The following CAPN5 variants were observed in gnomAD, a reference collection of about 807,000 sequenced individuals.
CAPN5 encodes the protein calpain-5.
CAPN5 carries 54 observed loss-of-function variants against 73.0 expected under a neutral mutation model. That is an observed-to-expected ratio of 0.74 (90% confidence interval 0.59 to 0.93). The LOEUF (loss-of-function observed/expected upper bound fraction) is 0.93. CAPN5 is among the 40% of genes least tolerant of loss of function. CAPN5 has a pLI of 0.00. For missense variants in CAPN5, 785 were observed against 882.9 expected, an observed-to-expected ratio of 0.89 and a Z score of 1.41; for synonymous variants, 335 against 356.9, an observed-to-expected ratio of 0.94 and a Z score of 0.69.
chr11:77,111,169 G>A (rs1950406764), intron 3 of CAPN5, among the ~76,000 whole-genome samples: 1 of 152,004 alleles, frequency 6.6e-6, no homozygotes, highest in African/African-American at 2.4e-5. Context: ...TGCACCCTGT[G>A]TAGCCTCAGC....
intron 1 of CAPN5, among the ~76,000 whole-genome samples, chr11:77,080,998 C>T (rs1555034525): frequency 6.6e-6 from 1 of 152,204 alleles, no homozygotes; most frequent in Admixed American, 6.5e-5. Flanking sequence ...AGAGGCCTCA[C>T]TGTGCAGGCT....
chr11:77,102,401 G>A (rs1555039018), intron 3 of CAPN5, among the ~76,000 whole-genome samples: 1 of 152,206 alleles, frequency 6.6e-6, no homozygotes, highest in African/African-American at 2.4e-5. Context: ...TTCTCCACCT[G>A]CTCCTGCGGG....
rs534880786 is a variant in CAPN5, at chr11:77,101,544, C to A, written c.297+7731C>A. Among the ~76,000 whole-genome samples, 28 of 152,302 alleles carry A rather than the reference C, an allele frequency of 1.8e-4. 1 individual carries two copies. Among genetic ancestry groups the A allele is most frequent in the Admixed American group, 1.1e-3 (17 of 15,308 alleles). ...CCCAGGGCTTGCAGTGTGGTTTTAACAGGACCGGGTATTCTGTCTCCCTTG... is the reference window on the plus strand; with the variant it reads ...CCCAGGGCTTGCAGTGTGGTTTTAAAAGGACCGGGTATTCTGTCTCCCTTG... On this transcript the variant is annotated intron_variant, in intron 3 of 12. Coordinates refer to ENST00000648180, the MANE Select transcript of CAPN5 (RefSeq NM_004055.5).
In CAPN5 at chr11:77,120,813, C is replaced by T. The variant is rs782339880; in HGVS notation, c.1391C>T (p.Pro464Leu). The T allele has an allele frequency of 8.7e-6, 14 of 1,614,086 alleles. No individual in the cohort carries two copies. The Admixed American group carries it at 2.3e-4, about 27-fold the overall frequency. ...AGCGTCTTCCTGCGCACCGACCAGC[C>T]CGAGGGCCGCTATGTCATCATCCCC... ...SRSVFLRTDQ[P>L]EGRYVIIPTT... is the part of the protein sequence containing the mutation. The change falls in exon 10 of 13, where the codon CCC (proline) becomes CTC (leucine). Residue 464 changes from proline (P) to leucine (L), a missense_variant. Pro to Leu is a moderately conservative substitution (Grantham distance 98). Transcript: ENST00000648180.
Position 77,068,740 on chromosome 11 carries a change from A to G in CAPN5, c.-36+1646A>G, listed in dbSNP as rs77927901. Among the ~76,000 whole-genome samples the G allele has an allele frequency of 9.9e-3, 1,507 of 151,890 alleles. 22 individuals are homozygous for G. The highest frequency in any genetic ancestry group is 0.034 in the African/African-American group (1,421 of 41,380). ...GGCTAGGCTTGGCAGGGGAGGAGGG[A>G]CCCTGATAAAGTTTCCCAGAGCAGG... On this transcript the variant is annotated intron_variant, in intron 1 of 12. Transcript: ENST00000648180.
At chr11:77,118,475 C>T in intron 8 of CAPN5, 123 bp downstream of exon 8, 1 of 804,810 alleles carries the variant, frequency 1.2e-6, no homozygotes, top group Non-Finnish European at 1.9e-6. Context: ...CTCAGCAAAC[C>T]TGTCTGTACA....
rs569740048 is a variant in CAPN5 at position 77,093,149 on chromosome 11, G to A, written c.166-533G>A. On this transcript the variant is annotated intron_variant, in intron 2 of 12. Coordinates refer to ENST00000648180, the MANE Select transcript of CAPN5 (RefSeq NM_004055.5). ...GCGTGAAGACCTGATGAGATTATGCGAGGCAAGTGCCATGCGGGGCCTGGC... is the reference window on the plus strand; with the variant it reads ...GCGTGAAGACCTGATGAGATTATGCAAGGCAAGTGCCATGCGGGGCCTGGC... Among the ~76,000 whole-genome samples the A allele has an allele frequency of 1.3e-4, 20 of 152,316 alleles. 1 individual carries two copies. Among genetic ancestry groups the A allele is most frequent in the Admixed American group, 8.5e-4 (13 of 15,308 alleles).
At chr11:77,121,657 C>T (rs954192286) in intron 10 of CAPN5, among the ~76,000 whole-genome samples, 17 of 152,224 alleles carry the variant, frequency 1.1e-4, no homozygotes, top group African/African-American at 2.9e-4. Context: ...TTAGGAATCA[C>T]CCATAACGCC....
At chr11:77,094,344 G>A (rs1950186413) in intron 3 of CAPN5, among the ~76,000 whole-genome samples, 2 of 152,166 alleles carry the variant, frequency 1.3e-5, no homozygotes, top group South Asian at 4.2e-4. Flanking sequence ...ATGGGCTCTG[G>A]TCCTGCAACC....
chr11:77,119,236 C>T, intron 9 of CAPN5, 84 bp downstream of exon 9: 2 of 1,447,852 alleles, frequency 1.4e-6, no homozygotes, highest in Non-Finnish European at 1.9e-6. Context: ...GAAGAACGCT[C>T]TAGAACACCT....
At chr11:77,102,732 G>A in intron 3 of CAPN5, 2 of 1,298,500 alleles carry the variant, frequency 1.5e-6, no homozygotes, top group South Asian at 1.5e-5. Context: ...AGGGGAAGAG[G>A]GAAGGGCAGA....
intron 3 of CAPN5, among the ~76,000 whole-genome samples, chr11:77,111,053 C>G (rs534004378): frequency 1.4e-4 from 22 of 152,262 alleles, no homozygotes; most frequent in Admixed American, 3.3e-4. Context: ...TTTCCCTTCT[C>G]TGCCCAGATT....
At chr11:77,122,789 G>A (rs1950536440) in intron 12 of CAPN5, 77 bp downstream of exon 12, 3 of 1,585,846 alleles carry the variant, frequency 1.9e-6, no homozygotes, top group Non-Finnish European at 2.6e-6. Flanking sequence ...AAGCCCAGGT[G>A]GAAGACCCTC....
intron 11 of CAPN5, 45 bp from the exon 12 acceptor site, chr11:77,122,531 G>GCCCCCCCCCCCCCCCCCCCCCCCCCC: frequency 3.3e-6 from 4 of 1,228,390 alleles, no homozygotes; most frequent in Non-Finnish European, 3.5e-6. Context: ...CCCTGCCACA[G>GCCCCCCCCCCCCCCCCCCCCCCCCCC]CCCCCACCCC....
At position 77,116,322 on chromosome 11, in the gene CAPN5, TG is replaced by T. The variant is rs782765710; in HGVS notation, c.971+22del. On this transcript the variant is annotated intron_variant, in intron 7 of 12. Coordinates refer to ENST00000648180, the MANE Select transcript of CAPN5 (RefSeq NM_004055.5). The stretch of plus-strand genomic sequence containing the variant: ...AGTTCTGGTGAGTGTGTATGTGCCC[TG>T]GGCGTCCGGGGCTGAGGGGGCTTCC... 1 of 1,601,752 alleles carries T rather than the reference TG, an allele frequency of 6.2e-7. No homozygotes were observed. Among genetic ancestry groups the T allele is most frequent in the Non-Finnish European group, 8.5e-7 (1 of 1,171,058 alleles).
intron 3 of CAPN5, among the ~76,000 whole-genome samples, chr11:77,105,314 A>G (rs1950333193): frequency 6.6e-6 from 1 of 151,304 alleles, no homozygotes; most frequent in Non-Finnish European, 1.5e-5. Flanking sequence ...AGCCCTTGCC[A>G]CCTTCCAAGG....
chr11:77,077,960 A>T (rs1286392710), intron 1 of CAPN5, among the ~76,000 whole-genome samples: 1 of 152,132 alleles, frequency 6.6e-6, no homozygotes, highest in Admixed American at 6.5e-5. Context: ...TATATTCTGG[A>T]TATTGACTCT....
intron 12 of CAPN5, 80 bp downstream of exon 12, chr11:77,122,792 AGACCCTCTGACGAG>A: frequency 6.3e-7 from 1 of 1,580,202 alleles, no homozygotes; most frequent in African/African-American, 1.3e-5. Flanking sequence ...CCCAGGTGGA[AGACCCTCTGACGAG>A]GACCCAGGCA....
At chr11:77,092,265 A>C (rs12285808) in intron 2 of CAPN5, among the ~76,000 whole-genome samples, 27,513 of 152,132 alleles carry the variant, frequency 0.18, 2,812 homozygotes, top group Admixed American at 0.24. Context: ...CAACATAAAG[A>C]AATTGTTGTT....
Sources: gnomAD v4.1 joint callset for allele counts (sites outside exome capture counted in the v4.1 genomes callset) on GRCh38, gnomAD v4.1.1 for gene constraint, MANE v1.5 for transcripts, NCBI Gene and HGNC (gene_info 2026-07-23, HGNC 2026-07-21) for gene names.